The following FLI1 variants were observed in gnomAD, a reference collection of about 807,000 sequenced individuals.
FLI1 encodes Fli-1 proto-oncogene, ETS transcription factor, also known as Friend leukemia integration 1 transcription factor.
A neutral mutation model predicts 53.1 loss-of-function variants in FLI1; 13 were observed. That is an observed-to-expected ratio of 0.24 (90% CI 0.16 to 0.39). FLI1 has a LOEUF of 0.39. Ranked by LOEUF, FLI1 falls within the 10% of genes least tolerant of loss-of-function variation. The probability of loss-of-function intolerance (pLI) is 1.00; values close to 1 mark genes in which losing one functional copy is unlikely to be tolerated. For synonymous variants in FLI1, 244 were observed against 236.7 expected (o/e 1.03, Z -0.28); for missense variants, 424 against 600.5 (o/e 0.71, Z 3.07).
intron 2 of FLI1, among the ~76,000 whole-genome samples, chr11:128,764,230 G>T (rs760380895): frequency 1.3e-5 from 2 of 152,130 alleles, no homozygotes; most frequent in East Asian, 1.9e-4. Flanking sequence ...AAACACCCAA[G>T]ATCTTACACC....
Position 128,805,246 on chromosome 11 carries a change from T to C in FLI1, c.656-120T>C. On this transcript the variant is annotated intron_variant, in intron 5 of 8. Coordinates refer to ENST00000527786, the MANE Select transcript of FLI1 (RefSeq NM_002017.5). ...TGAGTACACTTCCAGAATTTAGGGA[T>C]GCTTTAAAAGCCATTGCTGAATTGA... The C allele has an allele frequency of 6.7e-6, 4 of 593,752 alleles. No individual in the cohort carries two copies. In the South Asian group the frequency reaches 7.0e-5, roughly 10 times the overall value. 36.8% of individuals were successfully genotyped at this position (593,752 alleles called of 1,614,324 possible). A position where few individuals can be genotyped will look rare whatever the true frequency, so the allele number is the denominator to read the frequency against.
chr11:128,746,422 A>G (rs929834343), intron 1 of FLI1, among the ~76,000 whole-genome samples: 3 of 151,526 alleles, frequency 2.0e-5, no homozygotes, highest in African/African-American at 7.3e-5. Flanking sequence ...TGCCGCCTCC[A>G]CCCCTGGTGG....
At chr11:128,743,736 A>T (rs1477096455) in intron 1 of FLI1, among the ~76,000 whole-genome samples, 5 of 149,906 alleles carry the variant, frequency 3.3e-5, no homozygotes, top group Non-Finnish European at 3.0e-5. Context: ...AGCCCCCAGG[A>T]ACTGTCCGTG....
intron 5 of FLI1, among the ~76,000 whole-genome samples, chr11:128,790,300 A>C (rs1377237101): frequency 1.3e-5 from 2 of 148,704 alleles, no homozygotes; most frequent in African/African-American, 5.0e-5. Context: ...AGAGAGACAG[A>C]GAGAGAGAGA....
At chr11:128,738,751 G>C (rs1940009333) in intron 1 of FLI1, among the ~76,000 whole-genome samples, 1 of 152,198 alleles carries the variant, frequency 6.6e-6, no homozygotes, top group South Asian at 2.1e-4. Flanking sequence ...CTGGATGCAG[G>C]TGTCGTCGTT....
intron 5 of FLI1, 143 bp from the exon 6 acceptor site, chr11:128,805,223 A>C: frequency 1.8e-6 from 1 of 554,412 alleles, no homozygotes; most frequent in Non-Finnish European, 3.2e-6. Context: ...CCAGGGGGTG[A>C]GTACACTTCC....
In FLI1 at chr11:128,788,328, G is replaced by T. The variant is rs150976922; in HGVS notation, c.655+6305G>T. 3.6e-3 allele frequency among the ~76,000 whole-genome samples: 544 copies of T among 152,178 alleles called. 12 individuals carry two copies. The highest frequency in any genetic ancestry group is 0.031 in the Admixed American group (470 of 15,298). ...CTACTAAAAATAAAAAATTAGTCAG[G>T]TGTGGTGGCATGTGCCTGTAGTCCC... On this transcript the variant is annotated intron_variant, in intron 5 of 8. Coordinates refer to ENST00000527786, the MANE Select transcript of FLI1 (RefSeq NM_002017.5).
upstream of FLI1, among the ~76,000 whole-genome samples, chr11:128,685,855 G>A (rs142175049): frequency 6.6e-6 from 1 of 152,020 alleles, no homozygotes; most frequent in Admixed American, 6.6e-5. Flanking sequence ...GGAGAGATAC[G>A]GCCGCCAGAC....
In FLI1 at chr11:128,751,354, T is replaced by C. The variant is rs114160144; in HGVS notation, c.19-6761T>C. ...GCATTGGCCTTCATTAAAATTTTTT[T>C]TAACTTTTTTTTTTTTTTTGAGACA... On this transcript the variant is annotated intron_variant, in intron 1 of 8. Coordinates refer to ENST00000527786, the MANE Select transcript of FLI1 (RefSeq NM_002017.5). Among the ~76,000 whole-genome samples, 422 of 145,462 alleles carry C rather than the reference T, an allele frequency of 2.9e-3. 2 individuals are homozygous for C. Among genetic ancestry groups the C allele is most frequent in the African/African-American group, 9.1e-3 (374 of 40,988 alleles).
intron 1 of FLI1, among the ~76,000 whole-genome samples, chr11:128,731,534 C>CAAAACAAAAAACAAAAAT (rs1286746106): frequency 6.7e-6 from 1 of 148,570 alleles, no homozygotes; most frequent in East Asian, 2.0e-4. Flanking sequence ...AAAACAAAAA[C>CAAAACAAAAAACAAAAAT]AAAACAAAAA....
rs532839732 is a variant in FLI1 at position 128,803,158 on chromosome 11, G to A, written c.656-2208G>A. On this transcript the variant is annotated intron_variant, in intron 5 of 8. Transcript: ENST00000527786. ...GAATTTAGTGATTTTTTGTTTGAAT[G>A]TGTTACTTCTCTTCTACTTTCTGTT... 2.9e-4 allele frequency among the ~76,000 whole-genome samples: 44 copies of A among 152,276 alleles called. No homozygotes were observed. In the South Asian group the frequency reaches 7.2e-3, roughly 25 times the overall value.
chr11:128,686,310 G>A (rs764864103), upstream of FLI1: 4 of 456,102 alleles, frequency 8.8e-6, no homozygotes, highest in South Asian at 4.6e-5. Flanking sequence ...GGCATCCCCA[G>A]TTCGAAACTG....
At position 128,807,170 on chromosome 11, in the gene FLI1, C is replaced by T; in HGVS notation, c.722-10C>T. The T allele has an allele frequency of 6.3e-7, 1 of 1,581,458 alleles. No individual in the cohort carries two copies. Among genetic ancestry groups the T allele is most frequent in the Non-Finnish European group, 8.6e-7 (1 of 1,163,534 alleles). ...TCCTACTCACTGCATTTCTTTCCCT[C>T]TTGCCACAGGTCCTCCCCTTGGAGG... On this transcript the variant is annotated splice_polypyrimidine_tract_variant and intron_variant, in intron 6 of 8. Transcript: ENST00000527786.
upstream of FLI1, chr11:128,691,904 G>C (rs192837124): frequency 1.3e-5 from 2 of 152,304 alleles, no homozygotes; most frequent in East Asian, 3.9e-4. Context: ...GGAGGAGGGT[G>C]GGGGGCAGTC....
intron 3 of FLI1, 31 bp downstream of exon 3, chr11:128,768,303 A>G (rs533920824): frequency 1.9e-6 from 3 of 1,579,912 alleles, no homozygotes; most frequent in African/African-American, 1.6e-5. Flanking sequence ...CCTGGGCGCC[A>G]TTCACTTCCC....
At chr11:128,778,430 T>G (rs1391699221) in intron 4 of FLI1, among the ~76,000 whole-genome samples, 1 of 152,178 alleles carries the variant, frequency 6.6e-6, no homozygotes, top group Non-Finnish European at 1.5e-5. Flanking sequence ...GTTTTGCCTA[T>G]TTCTACGATT....
rs569066414 is a variant in FLI1 at position 128,741,483 on chromosome 11, G to A, written c.19-16632G>A. Among the ~76,000 whole-genome samples the A allele has an allele frequency of 2.0e-5, 3 of 152,330 alleles. No homozygotes were observed. The South Asian group carries it at 6.2e-4, about 32-fold the overall frequency. Reference sequence around the variant, plus strand: ...GAGCCCCCAGCCAGTCCGGATGCAGGGGCAACTTACTGTGGACTCTCTCTC... The same window carrying A: ...GAGCCCCCAGCCAGTCCGGATGCAGAGGCAACTTACTGTGGACTCTCTCTC... On this transcript the variant is annotated intron_variant, in intron 1 of 8. Coordinates refer to ENST00000527786, the MANE Select transcript of FLI1 (RefSeq NM_002017.5).
intron 5 of FLI1, among the ~76,000 whole-genome samples, chr11:128,785,233 G>T (rs993227956): frequency 1.4e-4 from 21 of 151,980 alleles, no homozygotes; most frequent in African/African-American, 5.1e-4. Flanking sequence ...AATAAACTAG[G>T]ATAAAAGCTA....
intron 1 of FLI1, among the ~76,000 whole-genome samples, chr11:128,731,442 G>A: frequency 6.6e-6 from 1 of 151,014 alleles, no homozygotes. Flanking sequence ...AAAACAAGAG[G>A]TCAAGTATGA....
Sources: gnomAD v4.1 joint callset for allele counts (sites outside exome capture counted in the v4.1 genomes callset) on GRCh38, gnomAD v4.1.1 for gene constraint, MANE v1.5 for transcripts, NCBI Gene and HGNC (gene_info 2026-07-23, HGNC 2026-07-21) for gene names.